The following ZFPM2 variants were observed in gnomAD, a reference collection of about 807,000 sequenced individuals.
ZFPM2 encodes the protein zinc finger protein, FOG family member 2.
Under a neutral mutation model 98.6 loss-of-function variants are expected in ZFPM2, and 20 were observed. The observed-to-expected ratio is 0.20, with a 90% confidence interval of 0.14 to 0.29. The LOEUF is 0.29. Among genes scored for constraint, ZFPM2 ranks in the 10% least tolerant of loss-of-function variants. The pLI is 1.00. For missense variants in ZFPM2, 1,310 were observed against 1,388.6 expected, an observed-to-expected ratio of 0.94 and a Z score of 0.90; for synonymous variants, 518 against 502.7, an observed-to-expected ratio of 1.03 and a Z score of -0.41.
At chr8:105,335,242 G>C (rs1812306959) in intron 1 of ZFPM2, among the ~76,000 whole-genome samples, 1 of 151,674 alleles carries the variant, frequency 6.6e-6, no homozygotes, top group African/African-American at 2.4e-5. Context: ...GAGAAAGGTT[G>C]TTTTTAACCG....
intron 3 of ZFPM2, among the ~76,000 whole-genome samples, chr8:105,453,421 G>T (rs1306311715): frequency 6.6e-6 from 1 of 152,162 alleles, no homozygotes; most frequent in Non-Finnish European, 1.5e-5. Context: ...ATTCAGTAAT[G>T]ACTTCTGTGA....
chr8:105,476,366 A>G (rs1451813622), intron 3 of ZFPM2, among the ~76,000 whole-genome samples: 1 of 152,158 alleles, frequency 6.6e-6, no homozygotes, highest in African/African-American at 2.4e-5. Context: ...CCTGAATCCT[A>G]TTGTGAACTA....
In ZFPM2 at chr8:105,787,665, C is replaced by T. The variant is rs547256377; in HGVS notation, c.533-1053C>T. 4 of 152,034 alleles carry T rather than the reference C, an allele frequency of 2.6e-5. 1 individual carries two copies. In the South Asian group the frequency reaches 8.3e-4, roughly 32 times the overall value. The allele number at this position is 152,034 out of a possible 1,614,324, so 9.4% of individuals were successfully genotyped here. A position where few individuals can be genotyped will look rare whatever the true frequency, so the allele number is the denominator to read the frequency against. On this transcript the variant is annotated intron_variant, in intron 5 of 7. Coordinates refer to ENST00000407775, the MANE Select transcript of ZFPM2 (RefSeq NM_012082.4). ...TTGAAAGATAAACAGAGCAATATGA[C>T]TTATCAAAGTGGGTACAAGTTTTGG...
At chr8:105,349,839 A>T (rs1393100835) in intron 1 of ZFPM2, among the ~76,000 whole-genome samples, 4 of 152,182 alleles carry the variant, frequency 2.6e-5, no homozygotes, top group Non-Finnish European at 4.4e-5. Context: ...CATTGTGATT[A>T]TAACTGGAAA....
intron 1 of ZFPM2, among the ~76,000 whole-genome samples, chr8:105,341,190 T>C (rs529192876): frequency 6.6e-6 from 1 of 152,062 alleles, no homozygotes; most frequent in South Asian, 2.1e-4. Context: ...GCTTCCACTC[T>C]CTAAAAGATG....
chr8:105,778,489 C>CGTGT lies in ZFPM2; in HGVS notation c.533-10213_533-10210dup, dbSNP rs10650495. Among the ~76,000 whole-genome samples, 1,066 of 148,116 alleles carry CGTGT rather than the reference C, an allele frequency of 7.2e-3. 17 individuals are homozygous for CGTGT. Among genetic ancestry groups the CGTGT allele is most frequent in the African/African-American group, 0.025 (1,014 of 40,078 alleles). ...ATGTCTGCATGTGTCTGAGTGCATG[C>CGTGT]GTGTGTGTGTGTGTGTGTGCGTGTG... On this transcript the variant is annotated intron_variant, in intron 5 of 7. Transcript: ENST00000407775.
chr8:105,667,788 G>T (rs2130898195), intron 5 of ZFPM2, among the ~76,000 whole-genome samples: 1 of 152,224 alleles, frequency 6.6e-6, no homozygotes, highest in South Asian at 2.1e-4. Context: ...TGTTTTAAAA[G>T]ATAGTTATTT....
intron 3 of ZFPM2, among the ~76,000 whole-genome samples, chr8:105,526,171 T>C (rs1814169661): frequency 6.6e-6 from 1 of 152,134 alleles, no homozygotes; most frequent in Admixed American, 6.6e-5. Context: ...AGGGATAATT[T>C]TTTTCCCCCT....
At chr8:105,659,395 C>T (rs1817346788) in intron 5 of ZFPM2, among the ~76,000 whole-genome samples, 2 of 152,138 alleles carry the variant, frequency 1.3e-5, no homozygotes, top group South Asian at 4.1e-4. Flanking sequence ...AACAAATGTT[C>T]AGAAATGTTG....
At chr8:105,763,184 G>A (rs903930566) in intron 5 of ZFPM2, among the ~76,000 whole-genome samples, 4 of 150,822 alleles carry the variant, frequency 2.7e-5, no homozygotes, top group African/African-American at 9.8e-5. Flanking sequence ...AATTATGTAA[G>A]TCTCAAGAGT....
At position 105,653,128 on chromosome 8, in the gene ZFPM2, G is replaced by A. The variant is rs141319623; in HGVS notation, c.532+18771G>A. Among the ~76,000 whole-genome samples the A allele has an allele frequency of 2.0e-3, 303 of 152,248 alleles. 2 individuals are homozygous for A. Among genetic ancestry groups the A allele is most frequent in the African/African-American group, 6.8e-3 (284 of 41,558 alleles). ...AGAGATACAAATAAGAAACAAAAAC[G>A]AAGTAAGTAGAAAATGTAGTTTAAG... On this transcript the variant is annotated intron_variant, in intron 5 of 7. Transcript: ENST00000407775.
At chr8:105,695,911 A>G (rs1479868901) in intron 5 of ZFPM2, among the ~76,000 whole-genome samples, 1 of 152,230 alleles carries the variant, frequency 6.6e-6, no homozygotes, top group Admixed American at 6.5e-5. Context: ...AAATGAAAAC[A>G]AAGCAGTAAC....
rs368968173 is a variant in ZFPM2, at chr8:105,620,635, G to A, written c.421-13611G>A. Among the ~76,000 whole-genome samples the A allele has an allele frequency of 1.7e-4, 26 of 152,174 alleles. No individual in the cohort carries two copies. The East Asian group carries it at 3.9e-3, about 23-fold the overall frequency. On this transcript the variant is annotated intron_variant, in intron 4 of 7. Transcript: ENST00000407775. Reference sequence around the variant, plus strand: ...TCTATGTCCTGAATGGTATTGCCTAGGTTTTCTTCTAGGTTTTTTATGGTT... The same window carrying A: ...TCTATGTCCTGAATGGTATTGCCTAAGTTTTCTTCTAGGTTTTTTATGGTT...
chr8:105,554,146 A>G (rs1336387474), intron 3 of ZFPM2, among the ~76,000 whole-genome samples: 1 of 152,202 alleles, frequency 6.6e-6, no homozygotes, highest in Non-Finnish European at 1.5e-5. Context: ...ATTTGTAGTC[A>G]CCAACCAAGA....
chr8:105,500,114 C>T (rs1347721758), intron 3 of ZFPM2, among the ~76,000 whole-genome samples: 1 of 152,090 alleles, frequency 6.6e-6, no homozygotes, highest in Non-Finnish European at 1.5e-5. Context: ...GTTTTCTGTA[C>T]ATTAGTGGCT....
chr8:105,645,312 G>A (rs917567729), intron 5 of ZFPM2, among the ~76,000 whole-genome samples: 2 of 152,018 alleles, frequency 1.3e-5, no homozygotes, highest in African/African-American at 4.8e-5. Context: ...TTTCTCTGTT[G>A]TTCTCTGACT....
In ZFPM2 at chr8:105,801,662, G is replaced by A. The variant is rs1441226483; in HGVS notation, c.1580G>A (p.Arg527Gln). The change falls in exon 8 of 8, where the codon CGA becomes CAA. Residue 527 changes from arginine (R) to glutamine (Q), a missense_variant. Physicochemically the swap from Arg to Gln is conservative, Grantham distance 43 (BLOSUM62 1). Coordinates refer to ENST00000407775, the MANE Select transcript of ZFPM2 (RefSeq NM_012082.4). ...AAGATGTCTGAACTGGTGCATCGGC[G>A]ACTGAGGCATGGCAGTAGTAGCTAC... Reference protein sequence around the residue: ...LAKMSELVHRRLRHGSSSYPP... With the variant: ...LAKMSELVHRQLRHGSSSYPP... 5 of 1,613,408 alleles carry A rather than the reference G, an allele frequency of 3.1e-6. No homozygotes were observed. In the African/African-American group the frequency reaches 4.0e-5, roughly 13 times the overall value.
chr8:105,787,105 A>G (rs913609726), intron 5 of ZFPM2: 3 of 152,234 alleles, frequency 2.0e-5, no homozygotes, highest in African/African-American at 7.2e-5. Flanking sequence ...CTGAATGCCC[A>G]TAAGGGAAGG....
intron 3 of ZFPM2, among the ~76,000 whole-genome samples, chr8:105,445,256 T>C (rs745619709): frequency 6.6e-6 from 1 of 152,140 alleles, no homozygotes; most frequent in African/African-American, 2.4e-5. Context: ...CTGGAAAATA[T>C]AATGCAAACA....
Sources: gnomAD v4.1 joint callset for allele counts (sites outside exome capture counted in the v4.1 genomes callset) on GRCh38, gnomAD v4.1.1 for gene constraint, MANE v1.5 for transcripts, NCBI Gene and HGNC (gene_info 2026-07-23, HGNC 2026-07-21) for gene names.